Variants in FNBP1 observed in about 807,000 individuals in gnomAD.
The protein encoded by FNBP1 is formin-binding protein 1.
In FNBP1, 26 loss-of-function variants were observed where a neutral mutation model predicts 90.6. The observed-to-expected ratio is 0.29, with a 90% confidence interval of 0.21 to 0.40. The LOEUF is 0.40. FNBP1 is among the 10% of genes least tolerant of loss of function. FNBP1 has a pLI of 1.00. For synonymous variants in FNBP1, 260 were observed against 265.2 expected (o/e 0.98, Z 0.19); for missense variants, 635 against 768.0 (o/e 0.83, Z 2.05).
At chr9:129,937,712 A>T (rs1321149344) in intron 6 of FNBP1, among the ~76,000 whole-genome samples, 1 of 152,044 alleles carries the variant, frequency 6.6e-6, no homozygotes, top group Non-Finnish European at 1.5e-5. Context: ...CAGCCTGGTG[A>T]CAGTGAGACT....
At chr9:130,006,465 A>C (rs1178921453) in intron 1 of FNBP1, among the ~76,000 whole-genome samples, 1 of 152,148 alleles carries the variant, frequency 6.6e-6, no homozygotes, top group African/African-American at 2.4e-5. Flanking sequence ...ACTGCACTCC[A>C]GCCTGGTGAC....
At chr9:130,033,846 CAAAA>C (rs36040639) in intron 1 of FNBP1, among the ~76,000 whole-genome samples, 5 of 103,698 alleles carry the variant, frequency 4.8e-5, no homozygotes, top group East Asian at 5.7e-4. Flanking sequence ...ACTAAAAATA[CAAAA>C]AAAAAAAAAA....
chr9:129,983,322 G>C (rs1285969568), intron 2 of FNBP1, among the ~76,000 whole-genome samples: 2 of 152,058 alleles, frequency 1.3e-5, no homozygotes, highest in Admixed American at 6.6e-5. Context: ...GGCATATATA[G>C]CATTCAAAAT....
chr9:130,011,147 C>T (rs1589248393), intron 1 of FNBP1, among the ~76,000 whole-genome samples: 1 of 128,718 alleles, frequency 7.8e-6, no homozygotes, highest in Non-Finnish European at 1.6e-5. Context: ...ACCCAGGAGG[C>T]GGAGCTTGCA....
rs2059943932 is a variant in FNBP1 at position 130,042,702 on chromosome 9, G to A, written c.24+250C>T. 6.6e-6 allele frequency among the ~76,000 whole-genome samples: 1 copy of A among 151,654 alleles called. No homozygotes were observed. The highest frequency in any genetic ancestry group is 6.6e-5 in the Admixed American group (1 of 15,222). On this transcript the variant is annotated intron_variant, in intron 1 of 16. Transcript: ENST00000446176. The surrounding 1 kb of genome is among the most constrained non-coding windows in gnomAD (Gnocchi z 5.5). ...GCGCCGGGGACAGGGAGGCCCGCCC[G>A]CGCCGTTCCTCAGGCCGCCGGGGAC...
intron 6 of FNBP1, among the ~76,000 whole-genome samples, chr9:129,944,660 G>A (rs536349005): frequency 1.3e-5 from 2 of 152,156 alleles, no homozygotes; most frequent in South Asian, 4.1e-4. Flanking sequence ...CCAATCAATT[G>A]CAGTTCAAAA....
chr9:129,952,023 C>G (rs1338042090), intron 6 of FNBP1, among the ~76,000 whole-genome samples: 1 of 150,794 alleles, frequency 6.6e-6, no homozygotes, highest in Non-Finnish European at 1.5e-5. Context: ...GAAACCCCAT[C>G]TCTGCTAAAA....
chr9:129,908,958 T>C lies in FNBP1; in HGVS notation c.1227A>G (p.Gln409=). 1.2e-6 allele frequency: 2 copies of C among 1,613,866 alleles called. No individual in the cohort carries two copies. The highest frequency in any genetic ancestry group is 1.7e-6 in the Non-Finnish European group (2 of 1,179,832). ...PEDFSNLPPE[Q]RRKKLQQKVD... ...CTTTCTGCTGCAGCTTTTTCCTTCT[T>C]TGTTCAGGTGGGAGGTTGCTGAAAT... Residue 409 remains glutamine (Q), a synonymous_variant, in exon 12 of 17, where the codon CAA becomes CAG. Coordinates refer to ENST00000446176, the MANE Select transcript of FNBP1 (RefSeq NM_015033.3).
At position 129,890,566 on chromosome 9, in the gene FNBP1, A is replaced by T; in HGVS notation, c.1847-20T>A. 1 of 1,576,900 alleles carries T rather than the reference A, an allele frequency of 6.3e-7. No homozygotes were observed. The highest frequency in any genetic ancestry group is 8.6e-7 in the Non-Finnish European group (1 of 1,161,810). ...AGGAATCTACAACACAAAGAGAAACAGAAAGAGAAACTCTCTGTTAGAGAG... is the reference window on the plus strand; with the variant it reads ...AGGAATCTACAACACAAAGAGAAACTGAAAGAGAAACTCTCTGTTAGAGAG... On this transcript the variant is annotated intron_variant, in intron 16 of 16. Coordinates refer to ENST00000446176, the MANE Select transcript of FNBP1 (RefSeq NM_015033.3). This position sits in a 1 kb window ranked among gnomAD's most constrained non-coding sequence, Gnocchi z 5.8.
intron 6 of FNBP1, chr9:129,936,342 G>C (rs970262516): frequency 1.3e-5 from 2 of 152,144 alleles, no homozygotes; most frequent in Non-Finnish European, 2.9e-5. Context: ...TTTGCCCACA[G>C]ACAGGATGCC....
intron 2 of FNBP1, among the ~76,000 whole-genome samples, chr9:129,987,394 A>G (rs1395927199): frequency 6.6e-6 from 1 of 152,052 alleles, no homozygotes; most frequent in South Asian, 2.1e-4. Flanking sequence ...TAACTCAACT[A>G]GAAGAAGGAG....
chr9:129,944,539 CAAA>C (rs34283195), intron 6 of FNBP1, among the ~76,000 whole-genome samples: 12 of 114,478 alleles, frequency 1.0e-4, no homozygotes, highest in Non-Finnish European at 1.3e-4. Context: ...GACTGCGTCT[CAAA>C]AAAAAAAAAA....
At chr9:130,019,257 C>T (rs1249127457) in intron 1 of FNBP1, among the ~76,000 whole-genome samples, 2 of 149,250 alleles carry the variant, frequency 1.3e-5, no homozygotes, top group Admixed American at 6.7e-5. Context: ...GCCGAGATCG[C>T]GCCACTGCAC....
chr9:129,945,849 C>A (rs977748848), intron 6 of FNBP1, among the ~76,000 whole-genome samples: 30 of 152,104 alleles, frequency 2.0e-4, no homozygotes, highest in African/African-American at 7.0e-4. Flanking sequence ...TTAAAATATT[C>A]TATTATAGAA....
intron 6 of FNBP1, among the ~76,000 whole-genome samples, chr9:129,935,661 G>A (rs778319820): frequency 6.6e-6 from 1 of 151,940 alleles, no homozygotes; most frequent in African/African-American, 2.4e-5. Context: ...CTAATTTTTT[G>A]TATTTTTAGT....
At chr9:129,910,489 C>CAA (rs547041722) in intron 11 of FNBP1, among the ~76,000 whole-genome samples, 45 of 122,332 alleles carry the variant, frequency 3.7e-4, no homozygotes, top group Admixed American at 6.0e-4. Context: ...CTCAAAAAAA[C>CAA]AAAAAAAAAA....
At chr9:129,918,157 G>A (rs1346830155) in intron 10 of FNBP1, among the ~76,000 whole-genome samples, 1 of 152,168 alleles carries the variant, frequency 6.6e-6, no homozygotes, top group Non-Finnish European at 1.5e-5. Flanking sequence ...TAGTAAAAAC[G>A]AGTCATTAGG....
At chr9:129,946,671 C>T (rs1248696587) in intron 6 of FNBP1, among the ~76,000 whole-genome samples, 1 of 152,138 alleles carries the variant, frequency 6.6e-6, no homozygotes, top group African/African-American at 2.4e-5. Flanking sequence ...TTGTTACTGG[C>T]GTTTAAAAAA....
intron 4 of FNBP1, among the ~76,000 whole-genome samples, chr9:129,975,202 G>A (rs1695770369): frequency 6.6e-6 from 1 of 152,234 alleles, no homozygotes; most frequent in Admixed American, 6.5e-5. Flanking sequence ...CCGGGCAACA[G>A]AGCGAGACTC....
Sources: allele counts gnomAD v4.1 joint callset (sites outside exome capture counted in the v4.1 genomes callset), GRCh38; gene constraint gnomAD v4.1.1; non-coding constraint Gnocchi (gnomAD v3.1); transcripts MANE v1.5; gene names NCBI Gene and HGNC (gene_info 2026-07-23, HGNC 2026-07-21).